Variants in NUP133 observed in about 807,000 individuals in gnomAD.
NUP133 encodes the protein nuclear pore complex protein Nup133.
A neutral mutation model predicts 146.2 loss-of-function variants in NUP133; 66 were observed. That is an observed-to-expected ratio of 0.45 (90% confidence interval 0.37 to 0.55). The LOEUF is 0.55. NUP133 is among the 20% of genes least tolerant of loss of function. The pLI is 0.00. For missense variants in NUP133, 1,277 were observed against 1,374.8 expected (o/e 0.93, Z 1.12); for synonymous variants, 521 against 498.8 (o/e 1.04, Z -0.59).
At chr1:229,498,351 C>A in intron 5 of NUP133, 45 bp from the exon 6 acceptor site, 16 of 1,365,982 alleles carry the variant, frequency 1.2e-5, no homozygotes, top group South Asian at 8.2e-5. Flanking sequence ...GCATCGAATG[C>A]TAAGATAAAA....
intron 2 of NUP133, among the ~76,000 whole-genome samples, chr1:229,502,310 A>C (rs1661821230): frequency 6.6e-6 from 1 of 152,182 alleles, no homozygotes. Flanking sequence ...CTGTAATCCC[A>C]GCACTTTGGG....
chr1:229,475,093 T>C (rs1160733497), intron 14 of NUP133, among the ~76,000 whole-genome samples: 2 of 151,732 alleles, frequency 1.3e-5, no homozygotes, highest in East Asian at 3.9e-4. Context: ...CAGAGTGCCC[T>C]GTCTCAATAA....
chr1:229,442,917 G>C (rs1307757868), intron 25 of NUP133, among the ~76,000 whole-genome samples: 1 of 152,072 alleles, frequency 6.6e-6, no homozygotes, highest in East Asian at 1.9e-4. Context: ...ATGTTGGCCA[G>C]GCTGGTCTTG....
chr1:229,499,822 A>G lies in NUP133; in HGVS notation c.514-4T>C. 1.2e-6 allele frequency: 2 copies of G among 1,612,204 alleles called. No homozygotes were observed. Among genetic ancestry groups the G allele is most frequent in the South Asian group, 2.2e-5 (2 of 90,880 alleles). The stretch of plus-strand genomic sequence containing the variant: ...TGGCAACCATGACAGCAACAGCCTC[A>G]AAACAAGATCACAACAATCAGCAAT... On this transcript the variant is annotated splice_polypyrimidine_tract_variant and splice_region_variant and intron_variant, in intron 4 of 25. Coordinates refer to ENST00000261396, the MANE Select transcript of NUP133 (RefSeq NM_018230.3).
chr1:229,505,207 C>T (rs954351426), intron 2 of NUP133, among the ~76,000 whole-genome samples: 8 of 152,086 alleles, frequency 5.3e-5, no homozygotes, highest in African/African-American at 1.4e-4. Context: ...GATGAACTGT[C>T]GCAGTAATGC....
intron 6 of NUP133, among the ~76,000 whole-genome samples, chr1:229,496,644 A>C (rs1232160401): frequency 2.0e-5 from 3 of 152,162 alleles, no homozygotes; most frequent in African/African-American, 7.2e-5. Context: ...GTTACATTGG[A>C]ATGTAGATGA....
In NUP133 at chr1:229,452,563, T is replaced by C. The variant is rs754990281; in HGVS notation, c.3061A>G (p.Ser1021Gly). The change falls in exon 22 of 26, where the codon AGT (serine) becomes GGT (glycine). Residue 1021 changes from serine to glycine, a missense_variant. This residue lies in a region of NUP133 where 952 missense variants were observed against 1,047.0 expected (regional missense o/e 0.91). Transcript: ENST00000261396. The part of the protein sequence containing the change: ...QLLAEKQLNL[S>G]AMPVLTAPQL... ...GGTGCAGTCAATACTGGCATCGCAC[T>C]GAGATTTAGCTGTTTCTCCGCCAGC... The C allele has an allele frequency of 3.5e-5, 56 of 1,613,886 alleles. No homozygotes were observed. Among genetic ancestry groups the C allele is most frequent in the Middle Eastern group, 1.6e-4 (1 of 6,062 alleles).
intron 22 of NUP133, 71 bp downstream of exon 22, chr1:229,452,454 T>C: frequency 8.3e-7 from 1 of 1,207,558 alleles, no homozygotes; most frequent in Non-Finnish European, 1.2e-6. Flanking sequence ...GGAACTATAC[T>C]ACATGGCCCA....
chr1:229,503,930 A>C (rs894877379), intron 2 of NUP133, among the ~76,000 whole-genome samples: 15 of 152,162 alleles, frequency 9.9e-5, no homozygotes, highest in Non-Finnish European at 2.2e-4. Flanking sequence ...TAAAAGGTTT[A>C]AATGTAAACT....
intron 5 of NUP133, chr1:229,499,336 T>C (rs10916494): frequency 0.051 from 23,287 of 457,788 alleles, 818 homozygotes; most frequent in African/African-American, 0.12. Flanking sequence ...AATTGATATT[T>C]TGGAGTCCTG....
At chr1:229,445,765 T>C (rs1660287992) in intron 24 of NUP133, among the ~76,000 whole-genome samples, 1 of 152,242 alleles carries the variant, frequency 6.6e-6, no homozygotes, top group African/African-American at 2.4e-5. Context: ...AGCATCCTTT[T>C]GTATGACTGG....
Position 229,498,157 on chromosome 1 carries a change from T to A in NUP133, c.798A>T (p.Leu266Phe). Residue 266 changes from leucine (L) to phenylalanine (F), a missense_variant, in exon 6 of 26, where the codon TTA becomes TTT. By Grantham distance (22) the Leu-to-Phe change is conservative (BLOSUM62 0). This residue lies in a region of NUP133 where 952 missense variants were observed against 1,047.0 expected (regional missense o/e 0.91). Transcript: ENST00000261396. ...TTACTGTGAGATCACTACTAGGAGA[T>A]AAAATTCCAAAAAGAGAAGAAACTT... ...GRKVSSLFGI[L>F]SPSSDLTLSS... The A allele has an allele frequency of 2.5e-6, 4 of 1,609,012 alleles. No individual in the cohort carries two copies. Among genetic ancestry groups the A allele is most frequent in the Non-Finnish European group, 3.4e-6 (4 of 1,178,586 alleles).
intron 18 of NUP133, among the ~76,000 whole-genome samples, chr1:229,464,101 T>C (rs1170870360): frequency 6.6e-6 from 1 of 152,030 alleles, no homozygotes; most frequent in Admixed American, 6.5e-5. Context: ...GCTGAGATTA[T>C]ACCACTGCAC....
intron 12 of NUP133, among the ~76,000 whole-genome samples, chr1:229,480,340 G>C (rs761912605): frequency 6.6e-6 from 1 of 152,182 alleles, no homozygotes. Context: ...TCTTGAAAGC[G>C]TGAAAGGCCA....
At position 229,460,708 on chromosome 1, in the gene NUP133, G is replaced by T; in HGVS notation, c.2747C>A (p.Ser916Tyr). 1 of 1,614,024 alleles carries T rather than the reference G, an allele frequency of 6.2e-7. No individual in the cohort carries two copies. Among genetic ancestry groups the T allele is most frequent in the African/African-American group, 1.3e-5 (1 of 75,038 alleles). Reference protein sequence around the residue: ...LEKGKRGKLLSQPISQHGQLA... With the variant: ...LEKGKRGKLLYQPISQHGQLA... ...CTGTCCATGCTGAGAAATGGGCTGA[G>T]ATAATAATTTGCCTCGCTTTCCTTT... The change falls in exon 20 of 26, where the codon TCT (serine) becomes TAT (tyrosine). Residue 916 changes from serine to tyrosine, a missense_variant. This residue lies in a region of NUP133 where 952 missense variants were observed against 1,047.0 expected (regional missense o/e 0.91). Transcript: ENST00000261396.
chr1:229,482,265 G>T (rs374727369), intron 12 of NUP133, among the ~76,000 whole-genome samples: 1 of 152,086 alleles, frequency 6.6e-6, no homozygotes, highest in African/African-American at 2.4e-5. Flanking sequence ...TGAGTGAGCC[G>T]CTATGCATCA....
At chr1:229,477,144 AAGGAAGGTTACCTGGC>A (rs1661096598) in intron 13 of NUP133, among the ~76,000 whole-genome samples, 1 of 151,654 alleles carries the variant, frequency 6.6e-6, no homozygotes, top group Non-Finnish European at 1.5e-5. Flanking sequence ...AACATACTAT[AAGGAAGGTTACCTGGC>A]CGGGCCTGGT....
At chr1:229,457,342 T>C (rs1240857141) in intron 21 of NUP133, among the ~76,000 whole-genome samples, 1 of 152,166 alleles carries the variant, frequency 6.6e-6, no homozygotes, top group African/African-American at 2.4e-5. Context: ...CTTTCTATAT[T>C]TGTACTCCTC....
At position 229,470,670 on chromosome 1, in the gene NUP133, G is replaced by A; in HGVS notation, c.1986C>T (p.Asp662=). Residue 662 remains aspartate (D), a synonymous_variant, in exon 15 of 26, where the codon GAC becomes GAT. Transcript: ENST00000261396. ...CAATCAATATGGCTGTGTTGACAAGGTCAGAAAGCCGGGAGTGGTGGTTCT... is the reference window on the plus strand; with the variant it reads ...CAATCAATATGGCTGTGTTGACAAGATCAGAAAGCCGGGAGTGGTGGTTCT... The part of the protein sequence containing the change: ...VLKNHHSRLS[D]LVNTAILIAL... The A allele has an allele frequency of 6.2e-7, 1 of 1,614,180 alleles. No individual in the cohort carries two copies. Among genetic ancestry groups the A allele is most frequent in the Non-Finnish European group, 8.5e-7 (1 of 1,180,032 alleles).
Sources: allele counts gnomAD v4.1 joint callset (sites outside exome capture counted in the v4.1 genomes callset), GRCh38; gene constraint gnomAD v4.1.1; regional missense constraint gnomAD v4.1.1; transcripts MANE v1.5; gene names NCBI Gene and HGNC (gene_info 2026-07-23, HGNC 2026-07-21).